Variants in CNGB3 observed in about 807,000 individuals in gnomAD.
CNGB3 encodes the protein cyclic nucleotide gated channel subunit beta 3, also known as cyclic nucleotide-gated channel beta-3.
Under a neutral mutation model 92.8 loss-of-function variants are expected in CNGB3, and 86 were observed. That is an observed-to-expected ratio of 0.93 (90% CI 0.78 to 1.11). The LOEUF is 1.11. Among genes scored for constraint, CNGB3 ranks in the 50% least tolerant of loss-of-function variants. CNGB3 has a pLI of 0.00. For missense variants in CNGB3, 1,026 were observed against 956.8 expected, an observed-to-expected ratio of 1.07 and a Z score of -0.95; for synonymous variants, 333 against 332.7, an observed-to-expected ratio of 1.00 and a Z score of -0.01.
intron 3 of CNGB3, chr8:86,708,140 A>C (rs1036052515): frequency 2.0e-5 from 3 of 152,246 alleles, no homozygotes; most frequent in Non-Finnish European, 2.9e-5. Context: ...GGGAACCATC[A>C]GGGTATCAAT....
At chr8:86,733,297 T>TATTC (rs1382137743) in intron 2 of CNGB3, among the ~76,000 whole-genome samples, 1 of 152,182 alleles carries the variant, frequency 6.6e-6, no homozygotes, top group East Asian at 1.9e-4. Flanking sequence ...GGGTGTGTGG[T>TATTC]ATTCCATGGC....
chr8:86,598,599 G>T (rs1178184387), intron 15 of CNGB3, among the ~76,000 whole-genome samples: 1 of 152,154 alleles, frequency 6.6e-6, no homozygotes, highest in Admixed American at 6.5e-5. Context: ...TATCAGCAGG[G>T]CTGTGTTTCC....
intron 15 of CNGB3, among the ~76,000 whole-genome samples, chr8:86,597,043 G>A (rs1187897007): frequency 6.6e-6 from 1 of 151,272 alleles, no homozygotes; most frequent in Non-Finnish European, 1.5e-5. Context: ...GGGTCTGGGG[G>A]AGGGATAGCA....
intron 3 of CNGB3, among the ~76,000 whole-genome samples, chr8:86,688,807 T>A (rs1824240520): frequency 6.6e-6 from 1 of 151,994 alleles, no homozygotes; most frequent in Non-Finnish European, 1.5e-5. Flanking sequence ...ATTTCATTTA[T>A]TTCTGCTCTG....
chr8:86,655,990 T>C (rs947429454), intron 6 of CNGB3, among the ~76,000 whole-genome samples: 2 of 152,218 alleles, frequency 1.3e-5, no homozygotes, highest in African/African-American at 2.4e-5. Context: ...GCTTGATCAA[T>C]GTTAAAGATT....
chr8:86,718,199 CA>C (rs1207782390), intron 3 of CNGB3, among the ~76,000 whole-genome samples: 2 of 151,374 alleles, frequency 1.3e-5, no homozygotes, highest in East Asian at 3.9e-4. Context: ...AACAAACAAA[CA>C]AAAAAATACA....
At chr8:86,717,342 A>G (rs1824874718) in intron 3 of CNGB3, among the ~76,000 whole-genome samples, 2 of 152,014 alleles carry the variant, frequency 1.3e-5, no homozygotes, top group South Asian at 4.1e-4. Context: ...CAGGAGGATC[A>G]CTTGAGGTCA....
At chr8:86,655,713 T>A (rs1823492433) in intron 6 of CNGB3, among the ~76,000 whole-genome samples, 1 of 152,212 alleles carries the variant, frequency 6.6e-6, no homozygotes, top group African/African-American at 2.4e-5. Flanking sequence ...ATCTTTGTCC[T>A]CTATTTCCTC....
intron 14 of CNGB3, among the ~76,000 whole-genome samples, chr8:86,610,749 A>G (rs563377162): frequency 3.3e-5 from 5 of 152,212 alleles, no homozygotes; most frequent in Admixed American, 6.5e-5. Flanking sequence ...CTGTCATGAT[A>G]TAAATCCCAG....
intron 15 of CNGB3, among the ~76,000 whole-genome samples, chr8:86,595,553 G>A (rs1822153111): frequency 6.6e-6 from 1 of 152,124 alleles, no homozygotes; most frequent in Non-Finnish European, 1.5e-5. Flanking sequence ...ATGTAAATAT[G>A]TACTCTTAAC....
At chr8:86,629,994 C>A (rs1373270903) in intron 11 of CNGB3, among the ~76,000 whole-genome samples, 1 of 152,176 alleles carries the variant, frequency 6.6e-6, no homozygotes, top group East Asian at 1.9e-4. Context: ...GCTTTTGAGC[C>A]TTTTCTGCTT....
intron 13 of CNGB3, among the ~76,000 whole-genome samples, chr8:86,617,675 C>T (rs991912820): frequency 2.8e-4 from 42 of 152,144 alleles, no homozygotes; most frequent in African/African-American, 8.7e-4. Context: ...TAGTAAAAAT[C>T]ATCTTCGTCA....
At chr8:86,657,640 C>G (rs1420244200) in intron 6 of CNGB3, 1 of 407,950 alleles carries the variant, frequency 2.5e-6, no homozygotes, top group East Asian at 6.7e-5. Context: ...GCTGGGGCAC[C>G]TGGAGCGGGC....
intron 10 of CNGB3, among the ~76,000 whole-genome samples, chr8:86,633,679 T>G (rs1823007444): frequency 6.6e-6 from 1 of 152,202 alleles, no homozygotes. Context: ...CACCTCTCAA[T>G]GAGAGAAGCA....
At chr8:86,579,747 C>T (rs1319410225) in intron 15 of CNGB3, among the ~76,000 whole-genome samples, 1 of 152,148 alleles carries the variant, frequency 6.6e-6, no homozygotes, top group Non-Finnish European at 1.5e-5. Context: ...CCTGCCAAGC[C>T]TTAGGTTAGC....
chr8:86,599,751 C>G (rs1347376808), intron 15 of CNGB3, among the ~76,000 whole-genome samples: 1 of 152,212 alleles, frequency 6.6e-6, no homozygotes, highest in Non-Finnish European at 1.5e-5. Context: ...TGTCTGCTCT[C>G]AAACCCTGTC....
At chr8:86,620,688 A>G (rs1239284050) in intron 13 of CNGB3, among the ~76,000 whole-genome samples, 3 of 152,094 alleles carry the variant, frequency 2.0e-5, no homozygotes, top group Non-Finnish European at 4.4e-5. Context: ...CCCTGGGTGC[A>G]TAGGTGGCTT....
At position 86,575,952 on chromosome 8, in the gene CNGB3, A is replaced by G. The variant is rs1162980828; in HGVS notation, c.2282T>C (p.Ile761Thr). 1.9e-6 allele frequency: 3 copies of G among 1,613,962 alleles called. No homozygotes were observed. Among genetic ancestry groups the G allele is most frequent in the East Asian group, 4.5e-5 (2 of 44,892 alleles). ...TGAGTGGGGTTCTTCCTCCACTGCA[A>G]TAGGACTTGCTGTACATTCAGGTCT... is the stretch of plus-strand genomic sequence containing the variant. ...LDRPECTASPIAVEEEPHSVR... is the reference protein window; with the variant it reads ...LDRPECTASPTAVEEEPHSVR... The change falls in exon 18 of 18, where the codon ATT becomes ACT. Residue 761 changes from isoleucine to threonine, a missense_variant. Physicochemically the swap from Ile to Thr is moderately conservative, Grantham distance 89. Coordinates refer to ENST00000320005, the MANE Select transcript of CNGB3 (RefSeq NM_019098.5).
intron 4 of CNGB3, among the ~76,000 whole-genome samples, chr8:86,669,098 G>A (rs1020336568): frequency 3.3e-5 from 5 of 151,554 alleles, no homozygotes; most frequent in African/African-American, 4.9e-5. Flanking sequence ...GAAATATAGT[G>A]TCTGGAATTT....
Sources: gnomAD v4.1 joint callset for allele counts (sites outside exome capture counted in the v4.1 genomes callset) on GRCh38, gnomAD v4.1.1 for gene constraint, MANE v1.5 for transcripts, NCBI Gene and HGNC (gene_info 2026-07-23, HGNC 2026-07-21) for gene names.